The following SDK1 variants were observed in gnomAD, a reference collection of about 807,000 sequenced individuals.
SDK1 encodes protein sidekick-1.
Under a neutral mutation model 245.5 loss-of-function variants are expected in SDK1, and 157 were observed. That is an observed-to-expected ratio of 0.64 (90% CI 0.56 to 0.73). SDK1 has a LOEUF of 0.73. Among genes scored for constraint, SDK1 ranks in the 30% least tolerant of loss-of-function variants. The probability of loss-of-function intolerance (pLI) is 0.00; values close to 1 mark genes in which losing one functional copy is unlikely to be tolerated. For synonymous variants in SDK1, 1,647 were observed against 1,278.5 expected (o/e 1.29, Z -6.15); for missense variants, 3,583 against 3,002.3 (o/e 1.19, Z -4.52).
At chr7:3,704,363 A>ATT (rs34389322) in intron 4 of SDK1, among the ~76,000 whole-genome samples, 120 of 143,438 alleles carry the variant, frequency 8.4e-4, no homozygotes, top group Middle Eastern at 3.6e-3. Context: ...GCCAATATCG[A>ATT]TTTTTTTTTT....
At chr7:4,155,765 C>T (rs541212340) in intron 30 of SDK1, among the ~76,000 whole-genome samples, 1 of 152,260 alleles carries the variant, frequency 6.6e-6, no homozygotes, top group East Asian at 1.9e-4. Flanking sequence ...TTCAATCCTT[C>T]CACCCATAGA....
chr7:4,037,963 G>A (rs988389589), intron 17 of SDK1, among the ~76,000 whole-genome samples: 5 of 152,190 alleles, frequency 3.3e-5, no homozygotes, highest in Non-Finnish European at 7.3e-5. Flanking sequence ...ATCCCCAGCA[G>A]TTTGTCTGGT....
intron 22 of SDK1, among the ~76,000 whole-genome samples, chr7:4,103,485 T>C (rs1486994483): frequency 6.6e-6 from 1 of 152,180 alleles, no homozygotes; most frequent in Non-Finnish European, 1.5e-5. Context: ...AGTCCTGGTC[T>C]CTCCAGACAA....
chr7:3,707,591 A>T (rs1419319282), intron 4 of SDK1, among the ~76,000 whole-genome samples: 1 of 152,144 alleles, frequency 6.6e-6, no homozygotes, highest in Non-Finnish European at 1.5e-5. Flanking sequence ...GTTTAAGTCC[A>T]TTGTTTGTTC....
At chr7:3,469,162 C>T (rs1178889049) in intron 1 of SDK1, among the ~76,000 whole-genome samples, 2 of 152,154 alleles carry the variant, frequency 1.3e-5, no homozygotes, top group East Asian at 1.9e-4. Flanking sequence ...AAAGGACACA[C>T]CTGTAATCCC....
intron 29 of SDK1, among the ~76,000 whole-genome samples, chr7:4,147,718 A>G (rs1278766001): frequency 6.6e-6 from 1 of 152,164 alleles, no homozygotes; most frequent in Non-Finnish European, 1.5e-5. Context: ...ATGCCCTGTG[A>G]AAGGAGCGCC....
At chr7:4,172,442 G>C (rs549698989) in intron 32 of SDK1, among the ~76,000 whole-genome samples, 1 of 152,190 alleles carries the variant, frequency 6.6e-6, no homozygotes, top group Non-Finnish European at 1.5e-5. Flanking sequence ...GGGGAGCAAA[G>C]AACACCGCTT....
intron 4 of SDK1, among the ~76,000 whole-genome samples, chr7:3,743,696 A>G (rs575782019): frequency 6.6e-6 from 1 of 152,260 alleles, no homozygotes; most frequent in Admixed American, 6.5e-5. Context: ...TAGTCGTTGT[A>G]AGTAGATGTC....
chr7:4,139,425 G>GTGTGTATATGTGTGTA (rs1779323636), intron 28 of SDK1, among the ~76,000 whole-genome samples: 1 of 128,138 alleles, frequency 7.8e-6, no homozygotes, highest in African/African-American at 3.0e-5. Context: ...GTGTGTGTGT[G>GTGTGTATATGTGTGTA]TATGTATATA....
At chr7:3,566,224 C>CTTTTTT (rs568790658) in intron 1 of SDK1, among the ~76,000 whole-genome samples, 7 of 125,420 alleles carry the variant, frequency 5.6e-5, no homozygotes, top group African/African-American at 1.2e-4. Context: ...TAAACTTCTT[C>CTTTTTT]TTTTTTTTTT....
intron 44 of SDK1, among the ~76,000 whole-genome samples, chr7:4,250,998 A>G (rs1436203792): frequency 6.6e-6 from 1 of 152,086 alleles, no homozygotes; most frequent in Non-Finnish European, 1.5e-5. Context: ...AGATTTGCCT[A>G]TCCTGAGCAT....
At chr7:3,966,417 T>C (rs1013309103) in intron 9 of SDK1, among the ~76,000 whole-genome samples, 3 of 152,132 alleles carry the variant, frequency 2.0e-5, no homozygotes, top group Non-Finnish European at 2.9e-5. Context: ...TTAATCGTTA[T>C]TGGGTAGCAC....
At chr7:3,860,748 A>G (rs189664856) in intron 5 of SDK1, among the ~76,000 whole-genome samples, 1 of 152,236 alleles carries the variant, frequency 6.6e-6, no homozygotes, top group East Asian at 1.9e-4. Context: ...TTTTGCCACA[A>G]GTAGCTATAA....
At chr7:3,682,829 C>G (rs1784150762) in intron 4 of SDK1, among the ~76,000 whole-genome samples, 1 of 152,080 alleles carries the variant, frequency 6.6e-6, no homozygotes, top group Non-Finnish European at 1.5e-5. Context: ...ACCCCCACTT[C>G]CCAGGTTCAA....
At chr7:3,769,309 T>G (rs1397968189) in intron 4 of SDK1, among the ~76,000 whole-genome samples, 1 of 152,080 alleles carries the variant, frequency 6.6e-6, no homozygotes, top group Admixed American at 6.5e-5. Context: ...TTAGAGCCCT[T>G]TTGTTGGTGG....
At chr7:3,344,566 A>T (rs1335565289) in intron 1 of SDK1, among the ~76,000 whole-genome samples, 1 of 152,226 alleles carries the variant, frequency 6.6e-6, no homozygotes, top group Non-Finnish European at 1.5e-5. Flanking sequence ...AAAATGTGAC[A>T]GTTGCTCTTG....
chr7:4,151,967 AGT>A (rs1204788007), intron 30 of SDK1, among the ~76,000 whole-genome samples: 1 of 152,190 alleles, frequency 6.6e-6, no homozygotes, highest in Non-Finnish European at 1.5e-5. Context: ...ATGAAAACCC[AGT>A]GTGTGTGCAT....
rs1228574718 is a variant in SDK1 at position 4,265,395 on chromosome 7, G to A, written c.*11G>A. ...TCCTCCTTCGTGTGAGCAAAGCGCC[G>A]CGCCTCCCTCAGGGCGGAACGGAGG... On this transcript the variant is annotated 3_prime_UTR_variant, in exon 45 of 45. Transcript: ENST00000404826. 1 of 1,424,420 alleles carries A rather than the reference G, an allele frequency of 7.0e-7. No individual in the cohort carries two copies. Among genetic ancestry groups the A allele is most frequent in the Non-Finnish European group, 9.1e-7 (1 of 1,099,724 alleles). 88.2% of individuals were successfully genotyped at this position (1,424,420 alleles called of 1,614,324 possible).
At chr7:3,900,374 C>T (rs534916345) in intron 5 of SDK1, among the ~76,000 whole-genome samples, 2 of 152,220 alleles carry the variant, frequency 1.3e-5, no homozygotes, top group South Asian at 2.1e-4. Flanking sequence ...TTTTGTGGTC[C>T]GCTGTTTAGG....
Sources: gnomAD v4.1 joint callset for allele counts (sites outside exome capture counted in the v4.1 genomes callset) on GRCh38, gnomAD v4.1.1 for gene constraint, MANE v1.5 for transcripts, NCBI Gene and HGNC (gene_info 2026-07-23, HGNC 2026-07-21) for gene names.